The following FAM110B variants were observed in gnomAD, a reference collection of about 807,000 sequenced individuals.
The protein encoded by FAM110B is protein FAM110B.
In FAM110B, 6 loss-of-function variants were observed where a neutral mutation model predicts 20.4. The ratio of observed to expected loss-of-function variants is 0.29; its 90% confidence interval spans 0.16 to 0.58. The LOEUF is 0.58. FAM110B is among the 20% of genes least tolerant of loss of function. The pLI is 0.90. For synonymous variants in FAM110B, 226 were observed against 214.1 expected (o/e 1.06, Z -0.49); for missense variants, 434 against 498.2 (o/e 0.87, Z 1.23).
intron 2 of FAM110B, among the ~76,000 whole-genome samples, chr8:58,047,270 C>A (rs1287660385): frequency 2.0e-5 from 3 of 152,072 alleles, no homozygotes; most frequent in Non-Finnish European, 4.4e-5. Flanking sequence ...AATTGTTACG[C>A]CTTGGCCCAG....
chr8:58,128,040 T>C (rs1807555505), intron 3 of FAM110B, among the ~76,000 whole-genome samples: 1 of 152,208 alleles, frequency 6.6e-6, no homozygotes, highest in Admixed American at 6.5e-5. Context: ...GTACTGTCAG[T>C]ATGTCCAATT....
intron 2 of FAM110B, among the ~76,000 whole-genome samples, chr8:58,066,318 C>T (rs529608176): frequency 6.6e-6 from 1 of 152,316 alleles, no homozygotes; most frequent in African/African-American, 2.4e-5. Flanking sequence ...AGAACTCACA[C>T]TCGGTGTTCG....
intron 3 of FAM110B, among the ~76,000 whole-genome samples, chr8:58,125,184 CA>C (rs945963382): frequency 6.6e-6 from 1 of 152,010 alleles, no homozygotes; most frequent in Non-Finnish European, 1.5e-5. Flanking sequence ...CCCTTCTCCA[CA>C]AAAAATATAA....
chr8:58,096,143 T>C (rs1806621168), intron 3 of FAM110B, among the ~76,000 whole-genome samples: 1 of 152,222 alleles, frequency 6.6e-6, no homozygotes, highest in South Asian at 2.1e-4. Flanking sequence ...TCCTTGAACA[T>C]GACATGGGTC....
At chr8:58,067,361 A>G (rs1430822471) in intron 2 of FAM110B, among the ~76,000 whole-genome samples, 1 of 152,140 alleles carries the variant, frequency 6.6e-6, no homozygotes, top group Admixed American at 6.5e-5. Context: ...AGGTAATGGG[A>G]ATCTACAAAG....
chr8:58,111,120 A>C (rs769851540), intron 3 of FAM110B, among the ~76,000 whole-genome samples: 1 of 152,232 alleles, frequency 6.6e-6, no homozygotes, highest in Non-Finnish European at 1.5e-5. Flanking sequence ...TATAAAAATA[A>C]TTGTATGTTT....
At chr8:58,051,497 G>A (rs1805440079) in intron 2 of FAM110B, among the ~76,000 whole-genome samples, 1 of 152,148 alleles carries the variant, frequency 6.6e-6, no homozygotes, top group South Asian at 2.1e-4. Flanking sequence ...GACTGGGGAA[G>A]TCTAAGCAAG....
intron 2 of FAM110B, among the ~76,000 whole-genome samples, chr8:58,047,638 C>CTCTCTCTCTTTT (rs1554519123): frequency 7.0e-6 from 1 of 142,568 alleles, no homozygotes. Flanking sequence ...CTCTCTCTGA[C>CTCTCTCTCTTTT]TTATATAAAT....
At chr8:58,132,139 C>T (rs1803488405) in intron 3 of FAM110B, among the ~76,000 whole-genome samples, 1 of 151,966 alleles carries the variant, frequency 6.6e-6, no homozygotes, top group African/African-American at 2.4e-5. Flanking sequence ...CTTTTATTGT[C>T]ACTGCCTCAT....
At chr8:58,123,178 A>G (rs1807406319) in intron 3 of FAM110B, among the ~76,000 whole-genome samples, 1 of 152,122 alleles carries the variant, frequency 6.6e-6, no homozygotes, top group Admixed American at 6.5e-5. Context: ...AGAGGTGGCA[A>G]GTGGTGTGGG....
At chr8:58,140,644 C>A (rs1411955995) in intron 3 of FAM110B, among the ~76,000 whole-genome samples, 1 of 152,218 alleles carries the variant, frequency 6.6e-6, no homozygotes, top group African/African-American at 2.4e-5. Flanking sequence ...CACCAATGCT[C>A]AATTACCCAA....
chr8:58,057,142 G>A (rs767406362), intron 2 of FAM110B, among the ~76,000 whole-genome samples: 2 of 152,168 alleles, frequency 1.3e-5, no homozygotes, highest in Admixed American at 1.3e-4. Context: ...ACTCAGCTGG[G>A]CTCCCTGGTC....
rs551509669 is a variant in FAM110B at position 58,036,092 on chromosome 8, G to C, written c.-414+4389G>C. On this transcript the variant is annotated intron_variant, in intron 2 of 3. Coordinates refer to ENST00000519262, the MANE Select transcript of FAM110B (RefSeq NM_001377989.1). ...TGTATTCCTGTAGACCCTTATATCA[G>C]TTACACACCAAGGGAAGGAGTAGGC... 2.6e-5 allele frequency among the ~76,000 whole-genome samples: 4 copies of C among 152,252 alleles called. No homozygotes were observed. The East Asian group carries it at 7.7e-4, about 29-fold the overall frequency.
intron 3 of FAM110B, among the ~76,000 whole-genome samples, chr8:58,094,636 C>T (rs1484447180): frequency 1.3e-5 from 2 of 152,116 alleles, no homozygotes; most frequent in Non-Finnish European, 2.9e-5. Flanking sequence ...TGATGTGCTG[C>T]CAGATTCGGT....
At chr8:58,098,779 A>C (rs550744689) in intron 3 of FAM110B, 1 of 152,244 alleles carries the variant, frequency 6.6e-6, no homozygotes, top group East Asian at 1.9e-4. Flanking sequence ...TGGCTAGGGG[A>C]GGGAGTTCCC....
chr8:58,136,305 C>G (rs1803614202), intron 3 of FAM110B, among the ~76,000 whole-genome samples: 2 of 151,976 alleles, frequency 1.3e-5, no homozygotes, highest in South Asian at 4.1e-4. Flanking sequence ...CCACCGTGCC[C>G]CGGCCCAGCA....
intron 3 of FAM110B, among the ~76,000 whole-genome samples, chr8:58,126,851 T>C (rs1314927788): frequency 6.6e-6 from 1 of 152,208 alleles, no homozygotes; most frequent in African/African-American, 2.4e-5. Flanking sequence ...CTGTTGCCTA[T>C]CTTTTCATCC....
At chr8:58,117,565 C>T (rs1025699640) in intron 3 of FAM110B, among the ~76,000 whole-genome samples, 2 of 152,056 alleles carry the variant, frequency 1.3e-5, no homozygotes, top group Non-Finnish European at 2.9e-5. Context: ...TAAGGTAGAG[C>T]GAGGGTTTTC....
intron 1 of FAM110B, among the ~76,000 whole-genome samples, chr8:58,023,118 G>A (rs1804788464): frequency 6.6e-6 from 1 of 152,124 alleles, no homozygotes; most frequent in South Asian, 2.1e-4. Flanking sequence ...AAACAAATTT[G>A]TTGACTTAAT....
Sources: gnomAD v4.1 joint callset for allele counts (sites outside exome capture counted in the v4.1 genomes callset) on GRCh38, gnomAD v4.1.1 for gene constraint, MANE v1.5 for transcripts, NCBI Gene and HGNC (gene_info 2026-07-23, HGNC 2026-07-21) for gene names.